The following ACOXL variants were observed in gnomAD, a reference collection of about 807,000 sequenced individuals.
ACOXL encodes the protein acyl-coenzyme A oxidase-like protein.
ACOXL carries 70 observed loss-of-function variants against 71.9 expected under a neutral mutation model. The observed-to-expected ratio is 0.97, with a 90% confidence interval of 0.80 to 1.19. The LOEUF is 1.19. Among genes scored for constraint, ACOXL ranks in the 50% most tolerant of loss-of-function variants. The pLI is 0.00. For synonymous variants in ACOXL, 253 were observed against 281.6 expected, an observed-to-expected ratio of 0.90 and a Z score of 1.02; for missense variants, 703 against 736.3, an observed-to-expected ratio of 0.95 and a Z score of 0.52.
chr2:111,011,177 A>G (rs1388079887), intron 14 of ACOXL, among the ~76,000 whole-genome samples: 2 of 152,208 alleles, frequency 1.3e-5, no homozygotes, highest in African/African-American at 4.8e-5. Context: ...GTGTAAATGG[A>G]ATTATGCTAT....
At chr2:111,072,171 T>C (rs1262186082) in intron 16 of ACOXL, among the ~76,000 whole-genome samples, 1 of 152,138 alleles carries the variant, frequency 6.6e-6, no homozygotes, top group Admixed American at 6.5e-5. Flanking sequence ...ACACGAAATA[T>C]ATGTATATGT....
At chr2:110,826,752 CTTTTT>C (rs775164507) in intron 9 of ACOXL, among the ~76,000 whole-genome samples, 1 of 116,532 alleles carries the variant, frequency 8.6e-6, no homozygotes. Flanking sequence ...TCTCTCTTTG[CTTTTT>C]TTTTTTTTTT....
chr2:110,946,751 C>A (rs1404775590), intron 12 of ACOXL, among the ~76,000 whole-genome samples: 1 of 152,144 alleles, frequency 6.6e-6, no homozygotes, highest in Admixed American at 6.5e-5. Flanking sequence ...TGAGCTGCCC[C>A]GTGGTTAGTG....
intron 10 of ACOXL, among the ~76,000 whole-genome samples, chr2:110,875,640 C>T (rs1204008947): frequency 6.6e-6 from 1 of 152,164 alleles, no homozygotes; most frequent in Non-Finnish European, 1.5e-5. Flanking sequence ...TCGATCCTAT[C>T]ATTCCAAAGG....
At position 110,786,301 on chromosome 2, in the gene ACOXL, G is replaced by T. The variant is rs550501996; in HGVS notation, c.159+1486G>T. On this transcript the variant is annotated intron_variant, in intron 3 of 17. Transcript: ENST00000439055. ...GTGATTTCAGTTTGGTGTGGACATT[G>T]TCTATTGGTAGGTAGGAATTAAAAA... Among the ~76,000 whole-genome samples the T allele has an allele frequency of 4.6e-5, 7 of 152,326 alleles. No homozygotes were observed. The South Asian group carries it at 1.5e-3, about 32-fold the overall frequency.
rs1486393763 is a variant in ACOXL at position 110,908,880 on chromosome 2, G to A, written c.880G>A (p.Ala294Thr). The change falls in exon 11 of 18, where the codon GCC becomes ACC. Residue 294 changes from alanine (A) to threonine (T), a missense_variant. Ala to Thr is a moderately conservative substitution (Grantham distance 58). Coordinates refer to ENST00000439055, the MANE Select transcript of ACOXL (RefSeq NM_001142807.4). ...GCGGCTGATGCCCCACCTGGCCACA[G>A]CCTTGGCCCTGACCTTCGTCAGCAG... is the stretch of plus-strand genomic sequence containing the variant. ...TLRLMPHLATALALTFVSRYA... is the reference protein window; with the variant it reads ...TLRLMPHLATTLALTFVSRYA... The A allele has an allele frequency of 1.9e-6, 3 of 1,613,904 alleles. No individual in the cohort carries two copies. The highest frequency in any genetic ancestry group is 1.7e-5 in the Admixed American group (1 of 59,994).
intron 1 of ACOXL, among the ~76,000 whole-genome samples, chr2:110,761,017 T>G (rs529335070): frequency 7.0e-4 from 107 of 152,328 alleles, no homozygotes; most frequent in African/African-American, 2.3e-3. Flanking sequence ...TAAATCAACC[T>G]GCTACTTTGT....
intron 1 of ACOXL, among the ~76,000 whole-genome samples, chr2:110,733,403 A>G (rs1370299663): frequency 1.3e-5 from 2 of 152,008 alleles, no homozygotes; most frequent in Non-Finnish European, 2.9e-5. Flanking sequence ...GCTGCACTGG[A>G]GATAGAGAGA....
At chr2:111,067,161 A>G (rs1287575417) in intron 16 of ACOXL, among the ~76,000 whole-genome samples, 1 of 152,316 alleles carries the variant, frequency 6.6e-6, no homozygotes, top group East Asian at 1.9e-4. Flanking sequence ...CATCCTTTGC[A>G]TCAATGAGAT....
At chr2:110,925,064 T>A (rs2060220895) in intron 11 of ACOXL, among the ~76,000 whole-genome samples, 1 of 152,178 alleles carries the variant, frequency 6.6e-6, no homozygotes, top group Non-Finnish European at 1.5e-5. Context: ...TTGAAAGGAA[T>A]TCTTATTTCT....
chr2:110,789,698 G>A (rs1441186800), intron 3 of ACOXL, among the ~76,000 whole-genome samples: 1 of 152,142 alleles, frequency 6.6e-6, no homozygotes, highest in African/African-American at 2.4e-5. Flanking sequence ...TCACACAGCG[G>A]GTAGGGCTTT....
chr2:111,007,920 A>G (rs1042141904), intron 14 of ACOXL, among the ~76,000 whole-genome samples: 1 of 152,174 alleles, frequency 6.6e-6, no homozygotes, highest in Admixed American at 6.5e-5. Flanking sequence ...TATTTCAAAC[A>G]TTCTTCTATG....
At chr2:111,024,734 T>G (rs2064939789) in intron 14 of ACOXL, among the ~76,000 whole-genome samples, 1 of 152,006 alleles carries the variant, frequency 6.6e-6, no homozygotes, top group South Asian at 2.1e-4. Context: ...TATCTTGTTA[T>G]CAGGAAAACA....
At chr2:111,116,932 C>G (rs1216796781) in intron 17 of ACOXL, among the ~76,000 whole-genome samples, 1 of 152,222 alleles carries the variant, frequency 6.6e-6, no homozygotes, top group Non-Finnish European at 1.5e-5. Context: ...AATGTCTTAT[C>G]CCTGCCTTCC....
At chr2:111,081,856 A>G (rs1432757784) in intron 16 of ACOXL, among the ~76,000 whole-genome samples, 2 of 152,234 alleles carry the variant, frequency 1.3e-5, no homozygotes, top group East Asian at 3.8e-4. Flanking sequence ...CAGAGGCCTC[A>G]GAAATAATGC....
chr2:111,099,953 A>G (rs1366964395), intron 17 of ACOXL: 1 of 152,372 alleles, frequency 6.6e-6, no homozygotes, highest in East Asian at 1.9e-4. Context: ...GCAAATGGCT[A>G]TTTGACTGAT....
intron 12 of ACOXL, among the ~76,000 whole-genome samples, chr2:110,961,075 A>G (rs888816660): frequency 6.6e-6 from 1 of 152,178 alleles, no homozygotes; most frequent in African/African-American, 2.4e-5. Context: ...ACACCTTGTT[A>G]CTTTCAGGAG....
At chr2:111,032,623 G>A (rs1197115620) in intron 15 of ACOXL, among the ~76,000 whole-genome samples, 1 of 152,140 alleles carries the variant, frequency 6.6e-6, no homozygotes, top group Non-Finnish European at 1.5e-5. Context: ...TCATCACACT[G>A]GGTCACTGCT....
chr2:110,801,513 A>G (rs1339740663), intron 7 of ACOXL, 139 bp from the exon 8 acceptor site: 5 of 694,656 alleles, frequency 7.2e-6, no homozygotes, highest in Non-Finnish European at 1.2e-5. Context: ...CAACATCCCC[A>G]TGTCCACCCC....
Sources: gnomAD v4.1 joint callset for allele counts (sites outside exome capture counted in the v4.1 genomes callset) on GRCh38, gnomAD v4.1.1 for gene constraint, MANE v1.5 for transcripts, NCBI Gene and HGNC (gene_info 2026-07-23, HGNC 2026-07-21) for gene names.